The following ACAD11 variants were observed in gnomAD, a reference collection of about 807,000 sequenced individuals.
ACAD11 encodes the protein acyl-Coenzyme A dehydrogenase family, member 11.
Under a neutral mutation model 102.2 loss-of-function variants are expected in ACAD11, and 83 were observed. The observed-to-expected ratio is 0.81, with a 90% CI of 0.68 to 0.97. The LOEUF is 0.97. Among genes scored for constraint, ACAD11 ranks in the 50% least tolerant of loss-of-function variants. The pLI is 0.00. For missense variants in ACAD11, 901 were observed against 951.7 expected (o/e 0.95, Z 0.70); for synonymous variants, 324 against 319.8 (o/e 1.01, Z -0.14).
intron 9 of ACAD11, among the ~76,000 whole-genome samples, chr3:132,620,595 C>T (rs1939570695): frequency 6.6e-6 from 1 of 152,068 alleles, no homozygotes; most frequent in South Asian, 2.1e-4. Flanking sequence ...TGATCAGTCA[C>T]AGGACATAAA....
At chr3:132,614,883 C>G (rs563878238) in intron 11 of ACAD11, among the ~76,000 whole-genome samples, 7 of 152,160 alleles carry the variant, frequency 4.6e-5, no homozygotes, top group Non-Finnish European at 8.8e-5. Flanking sequence ...CCAGAGTGAA[C>G]AGGCCACCTA....
chr3:132,602,875 G>A (rs976981131), intron 13 of ACAD11, among the ~76,000 whole-genome samples: 4 of 152,056 alleles, frequency 2.6e-5, no homozygotes, highest in East Asian at 1.9e-4. Context: ...CCATCTCAGC[G>A]CATGTCAACT....
chr3:132,579,091 T>G (rs1335493725), intron 14 of ACAD11: 1 of 1,470,808 alleles, frequency 6.8e-7, no homozygotes, highest in East Asian at 2.8e-5. Context: ...AATAAATGAG[T>G]TGTTTGATTG....
rs1164143841 is a variant in ACAD11, at chr3:132,641,602, AGAG to A, written c.537+367_537+369del. On this transcript the variant is annotated intron_variant, in intron 4 of 19. Coordinates refer to ENST00000264990, the MANE Select transcript of ACAD11 (RefSeq NM_032169.5). Reference sequence around the variant, plus strand: ...AAGAAGAAGAAGAAGAAGAAGAAGAAGAGGAGGAAGAAGAGGAGGAAGAAGAGG... The same window carrying A: ...AAGAAGAAGAAGAAGAAGAAGAAGAAGAGGAAGAAGAGGAGGAAGAAGAGG... Among the ~76,000 whole-genome samples, 11 of 132,440 alleles carry A rather than the reference AGAG, an allele frequency of 8.3e-5. 1 individual carries two copies. In the South Asian group the frequency reaches 1.2e-3, roughly 15 times the overall value. The allele number at this position is 132,440 out of a possible 152,430, so 86.9% of individuals were successfully genotyped here. A position where few individuals can be genotyped will look rare whatever the true frequency, so the allele number is the denominator to read the frequency against.
chr3:132,581,330 T>C lies in ACAD11; in HGVS notation c.1622-1772A>G, dbSNP rs551519997. The stretch of plus-strand genomic sequence containing the variant: ...AAGATCTCAGAGAATTTAACTATTA[T>C]GTACTTTTTCTCAAAAAATTAAGAA... On this transcript the variant is annotated intron_variant, in intron 13 of 19. Transcript: ENST00000264990. Among the ~76,000 whole-genome samples the C allele has an allele frequency of 4.3e-4, 66 of 152,148 alleles. No individual in the cohort carries two copies. In the South Asian group the frequency reaches 0.013, roughly 31 times the overall value.
intron 15 of ACAD11, 63 bp from the exon 16 acceptor site, chr3:132,577,078 T>C: frequency 2.2e-6 from 2 of 929,958 alleles, no homozygotes; most frequent in Middle Eastern, 5.9e-4. Context: ...CACATATTCT[T>C]AATCTGCTGA....
At chr3:132,659,310 C>T (rs1937996437) in intron 1 of ACAD11, among the ~76,000 whole-genome samples, 1 of 152,190 alleles carries the variant, frequency 6.6e-6, no homozygotes, top group South Asian at 2.1e-4. Flanking sequence ...GAATTTGTAG[C>T]CTTAATTGCC....
At chr3:132,596,238 T>C (rs1318260831) in intron 13 of ACAD11, among the ~76,000 whole-genome samples, 1 of 152,020 alleles carries the variant, frequency 6.6e-6, no homozygotes, top group Non-Finnish European at 1.5e-5. Context: ...TGAGAACACA[T>C]GGACACATGG....
rs895015477 is a variant in ACAD11 at position 132,603,248 on chromosome 3, G to C, written c.1602C>G (p.Gly534=). The C allele has an allele frequency of 7.4e-6, 12 of 1,613,462 alleles. No homozygotes were observed. The highest frequency in any genetic ancestry group is 9.3e-6 in the Non-Finnish European group (11 of 1,179,760). The change falls in exon 13 of 20, where the codon GGC becomes GGG. Residue 534 remains glycine (G), a synonymous_variant. Coordinates refer to ENST00000264990, the MANE Select transcript of ACAD11 (RefSeq NM_032169.5). ...ACTCACCACTGCTCCACCATTTTTT[G>C]CCGTTAATTACATAGCTATCTTCAT... ...QRDEDSYVIN[G]KKWWSSGAGN... is the part of the protein sequence containing the mutation.
In ACAD11 at chr3:132,618,773, C is replaced by T. The variant is rs202114681; in HGVS notation, c.1276-1G>A. The T allele has an allele frequency of 6.3e-7, 1 of 1,584,196 alleles. No homozygotes were observed. On this transcript the variant is annotated splice_acceptor_variant, in intron 10 of 19. Coordinates refer to ENST00000264990, the MANE Select transcript of ACAD11 (RefSeq NM_032169.5). LOFTEE classifies it high-confidence loss of function. Reference sequence around the variant, plus strand: ...AGAGACCCTCGACTTTGGCCATTTCCTGTCAAGGTGATGAACATGCCAGAG... The same window carrying T: ...AGAGACCCTCGACTTTGGCCATTTCTTGTCAAGGTGATGAACATGCCAGAG...
At chr3:132,609,629 G>A (rs570199140) in intron 11 of ACAD11, among the ~76,000 whole-genome samples, 1 of 152,206 alleles carries the variant, frequency 6.6e-6, no homozygotes, top group East Asian at 1.9e-4. Flanking sequence ...TGAAACTGAG[G>A]CAGTAATTAA....
At position 132,579,568 on chromosome 3, in the gene ACAD11, AG is replaced by A. The variant is rs1553758370; in HGVS notation, c.1622-11del. On this transcript the variant is annotated splice_polypyrimidine_tract_variant and intron_variant, in intron 13 of 19. Coordinates refer to ENST00000264990, the MANE Select transcript of ACAD11 (RefSeq NM_032169.5). ...TTGGGATTCCCAGCTCCTAAAACCA[AG>A]GGGAACACAAGCAGATTATAAAAGG... The A allele has an allele frequency of 1.2e-6, 2 of 1,612,140 alleles. No homozygotes were observed. The highest frequency in any genetic ancestry group is 1.3e-5 in the African/African-American group (1 of 74,998).
chr3:132,604,889 C>T, intron 12 of ACAD11: 1 of 429,066 alleles, frequency 2.3e-6, no homozygotes, highest in Admixed American at 3.8e-5. Flanking sequence ...AGAACATCAT[C>T]TGATATTCTA....
At chr3:132,650,052 C>G (rs1317567671) in intron 1 of ACAD11, 2 of 152,124 alleles carry the variant, frequency 1.3e-5, no homozygotes, top group Non-Finnish European at 2.9e-5. Context: ...CATAGAAGTA[C>G]AAAGCTGGAA....
chr3:132,560,822 G>A (rs1026677326), intron 18 of ACAD11, among the ~76,000 whole-genome samples: 4 of 152,104 alleles, frequency 2.6e-5, no homozygotes, highest in Non-Finnish European at 5.9e-5. Flanking sequence ...GGCAGAGTGG[G>A]TGCAGTTCCA....
chr3:132,578,702 T>C (rs1023877940), intron 15 of ACAD11, 94 bp downstream of exon 15: 22 of 1,352,000 alleles, frequency 1.6e-5, no homozygotes, highest in Admixed American at 2.0e-5. Context: ...TCTAAGAATC[T>C]ATCTTATGCA....
intron 8 of ACAD11, among the ~76,000 whole-genome samples, chr3:132,628,139 A>G (rs914913183): frequency 3.9e-5 from 6 of 152,340 alleles, no homozygotes; most frequent in East Asian, 1.9e-4. Context: ...ATACTTTTAA[A>G]CCTAAATACG....
intron 19 of ACAD11, 40 bp from the exon 20 acceptor site, chr3:132,559,125 G>C (rs1190528127): frequency 7.3e-7 from 1 of 1,376,266 alleles, no homozygotes; most frequent in Admixed American, 1.7e-5. Context: ...GGGAGTTATG[G>C]AAGAGGAACA....
chr3:132,612,682 T>C (rs927395882), intron 11 of ACAD11, among the ~76,000 whole-genome samples: 10 of 151,984 alleles, frequency 6.6e-5, no homozygotes, highest in Admixed American at 5.2e-4. Flanking sequence ...TGAGATACCA[T>C]CTCACACCAG....
Sources: gnomAD v4.1 joint callset for allele counts (sites outside exome capture counted in the v4.1 genomes callset) on GRCh38, gnomAD v4.1.1 for gene constraint, MANE v1.5 for transcripts, NCBI Gene and HGNC (gene_info 2026-07-23, HGNC 2026-07-21) for gene names.